HYDIN: variants seen among roughly 807,000 people sequenced by gnomAD.
HYDIN encodes HYDIN axonemal central pair apparatus protein, also known as axonemal central pair apparatus protein HYDIN.
HYDIN carries 132 observed loss-of-function variants against 403.9 expected under a neutral mutation model. That is an observed-to-expected ratio of 0.33 (90% CI 0.28 to 0.38). HYDIN has a LOEUF of 0.38. HYDIN is among the 10% of genes least tolerant of loss of function. The pLI is 1.00. For missense variants in HYDIN, 2,827 were observed against 5,009.5 expected, an observed-to-expected ratio of 0.56 and a Z score of 13.15; for synonymous variants, 1,202 against 1,891.7, an observed-to-expected ratio of 0.64 and a Z score of 9.46.
At chr16:71,039,723 C>T (rs1214556839) in intron 18 of HYDIN, among the ~76,000 whole-genome samples, 1 of 152,222 alleles carries the variant, frequency 6.6e-6, no homozygotes, top group South Asian at 2.1e-4. Flanking sequence ...ATCCCTTTCC[C>T]CCTGAGAGCC....
rs2035126329 is a variant in HYDIN, at chr16:70,806,788, A to G, written c.*792T>C. 6.6e-6 allele frequency among the ~76,000 whole-genome samples: 1 copy of G among 152,162 alleles called. No homozygotes were observed. On this transcript the variant is annotated 3_prime_UTR_variant, in exon 86 of 86. Transcript: ENST00000393567. ...CTGCTATACAAGTTAAATGTATATA[A>G]TAAAGATGCCCACACCCCTCTCCAG...
At chr16:71,066,941 G>T (rs1404485075) in intron 15 of HYDIN, 6 of 653,252 alleles carry the variant, frequency 9.2e-6, no homozygotes, top group African/African-American at 8.9e-5. Flanking sequence ...GCACTATGTT[G>T]AAAGATGAAA....
At chr16:70,946,873 T>G (rs569449277) in intron 41 of HYDIN, among the ~76,000 whole-genome samples, 35 of 152,294 alleles carry the variant, frequency 2.3e-4, no homozygotes, top group African/African-American at 8.2e-4. Flanking sequence ...GGATTGTGAT[T>G]TTTGTACATT....
intron 5 of HYDIN, among the ~76,000 whole-genome samples, chr16:71,168,686 A>C (rs932517536): frequency 3.3e-5 from 5 of 152,006 alleles, no homozygotes; most frequent in African/African-American, 9.7e-5. Context: ...CTGGGACCCA[A>C]CTCTTTCACA....
intron 23 of HYDIN, among the ~76,000 whole-genome samples, chr16:70,995,426 G>T (rs1326744865): frequency 6.6e-6 from 1 of 152,154 alleles, no homozygotes; most frequent in Non-Finnish European, 1.5e-5. Flanking sequence ...TCACATGCAT[G>T]TCAGACACCC....
Position 70,849,826 on chromosome 16 carries a change from G to T in HYDIN, c.12773C>A (p.Pro4258His), listed in dbSNP as rs1408147392. The T allele has an allele frequency of 5.9e-6, 5 of 841,228 alleles. No individual in the cohort carries two copies. The highest frequency in any genetic ancestry group is 7.7e-6 in the Non-Finnish European group (4 of 518,554). 52.1% of individuals were successfully genotyped at this position (841,228 alleles called of 1,614,324 possible). A position where few individuals can be genotyped will look rare whatever the true frequency, so the allele number is the denominator to read the frequency against. ...TCCTACATCCACAGTGCTGTCGATGGGTGAAAATTCCAAGTACTGCAGCAA... is the reference window on the plus strand; with the variant it reads ...TCCTACATCCACAGTGCTGTCGATGTGTGAAAATTCCAAGTACTGCAGCAA... Reference protein sequence around the residue: ...KTLLQYLEFSPIDSTVDVGQS... With the variant: ...KTLLQYLEFSHIDSTVDVGQS... Residue 4258 changes from proline to histidine, a missense_variant, in exon 75 of 86, where the codon CCC becomes CAC. By Grantham distance (77) the Pro-to-His change is moderately conservative. Coordinates refer to ENST00000393567, the MANE Select transcript of HYDIN (RefSeq NM_001270974.2).
intron 6 of HYDIN, among the ~76,000 whole-genome samples, chr16:71,153,486 GGCTGCCTTAT>G (rs899682699): frequency 1.3e-4 from 20 of 151,832 alleles, no homozygotes; most frequent in Admixed American, 3.9e-4. Context: ...CCTAAGAGAA[GGCTGCCTTAT>G]GGGGAGCAAG....
intron 80 of HYDIN, among the ~76,000 whole-genome samples, chr16:70,830,895 T>C (rs2036934687): frequency 6.6e-6 from 1 of 151,734 alleles, no homozygotes; most frequent in Admixed American, 6.6e-5. Flanking sequence ...AAATCTGGGG[T>C]TCAAGGGAAG....
chr16:70,843,287 G>A (rs1355296587), intron 75 of HYDIN, among the ~76,000 whole-genome samples: 18 of 144,726 alleles, frequency 1.2e-4, no homozygotes, highest in African/African-American at 4.7e-4. Context: ...GTGAGAATAT[G>A]TGCTGTTTGG....
chr16:70,890,500 A>G (rs572449280), intron 57 of HYDIN, among the ~76,000 whole-genome samples: 1 of 152,376 alleles, frequency 6.6e-6, no homozygotes, highest in East Asian at 1.9e-4. Context: ...TCAACTCTAC[A>G]TTTTAAAAAA....
chr16:71,178,898 C>A lies in HYDIN; in HGVS notation c.381+30G>T, dbSNP rs777201561. 2.5e-6 allele frequency: 4 copies of A among 1,589,172 alleles called. No homozygotes were observed. In the Admixed American group the frequency reaches 7.1e-5, roughly 28 times the overall value. ...TAACCCATTCTCATATATCCTGGAA[C>A]AGTTCACCCACCCCAGTGAACATAC... On this transcript the variant is annotated intron_variant, in intron 4 of 85. Transcript: ENST00000393567.
chr16:70,894,517 G>A lies in HYDIN; in HGVS notation c.9180C>T (p.Val3060=), dbSNP rs1473788469. The A allele has an allele frequency of 1.9e-6, 3 of 1,596,766 alleles. No homozygotes were observed. Among genetic ancestry groups the A allele is most frequent in the Non-Finnish European group, 2.6e-6 (3 of 1,173,332 alleles). The change falls in exon 55 of 86, where the codon GTC becomes GTT. Residue 3060 remains valine, a synonymous_variant. Transcript: ENST00000393567. The part of the protein sequence containing the change: ...GAEGGLDFGI[V]RVTEEAKQPL... The stretch of plus-strand genomic sequence containing the variant: ...GCTGCTTCGCCTCCTCTGTGACCCT[G>A]ACAATCCCAAAATCCAGTCCCCCTT...
At chr16:71,049,342 TG>T (rs2081559906) in intron 18 of HYDIN, among the ~76,000 whole-genome samples, 1 of 152,116 alleles carries the variant, frequency 6.6e-6, no homozygotes, top group South Asian at 2.1e-4. Context: ...GTGCCAGTGG[TG>T]GTGGACGTGG....
intron 41 of HYDIN, among the ~76,000 whole-genome samples, chr16:70,951,255 A>AGAG (rs1320429857): frequency 6.7e-6 from 1 of 149,904 alleles, no homozygotes; most frequent in African/African-American, 2.5e-5. Flanking sequence ...GGACAGAGAG[A>AGAG]GAGAGAGAGA....
rs200051232 is a variant in HYDIN at position 70,961,012 on chromosome 16, C to T, written c.5968+947G>A. ...GGCCTAGCTCATTCTTTTTAAATAG[C>T]TGCTAAATAACTCCCACTGTATGGC... On this transcript the variant is annotated intron_variant, in intron 38 of 85. Coordinates refer to ENST00000393567, the MANE Select transcript of HYDIN (RefSeq NM_001270974.2). 2.3e-4 allele frequency among the ~76,000 whole-genome samples: 35 copies of T among 152,344 alleles called. No individual in the cohort carries two copies. The East Asian group carries it at 6.8e-3, about 29-fold the overall frequency.
Position 70,986,506 on chromosome 16 carries a change from A to C in HYDIN, c.4195-1184T>G, listed in dbSNP as rs1202134941. Among the ~76,000 whole-genome samples, 8 of 152,228 alleles carry C rather than the reference A, an allele frequency of 5.3e-5. No individual in the cohort carries two copies. The South Asian group carries it at 1.0e-3, about 20-fold the overall frequency. On this transcript the variant is annotated intron_variant, in intron 27 of 85. Coordinates refer to ENST00000393567, the MANE Select transcript of HYDIN (RefSeq NM_001270974.2). ...GCTGGGTGAATCAGATTTTAGGCAC[A>C]ATCTTTGATCTATAAACACACATGC...
rs531934900 is a variant in HYDIN, at chr16:71,020,384, T to C, written c.3187-67A>G. On this transcript the variant is annotated intron_variant, in intron 21 of 85. Coordinates refer to ENST00000393567, the MANE Select transcript of HYDIN (RefSeq NM_001270974.2). ...AATACAGTAAGCTTTTAGCAACAAG[T>C]CTCAGGTTCATTGTTTAGAACAAAT... The C allele has an allele frequency of 7.6e-5, 117 of 1,548,372 alleles. No individual in the cohort carries two copies. In the East Asian group the frequency reaches 1.9e-3, roughly 25 times the overall value.
chr16:70,878,068 C>T (rs887131590), intron 62 of HYDIN, among the ~76,000 whole-genome samples: 4 of 152,122 alleles, frequency 2.6e-5, no homozygotes, highest in African/African-American at 9.7e-5. Context: ...ATTGTAGCTC[C>T]CATAACTCCC....
At chr16:70,997,972 G>A (rs960305243) in intron 23 of HYDIN, among the ~76,000 whole-genome samples, 9 of 151,890 alleles carry the variant, frequency 5.9e-5, no homozygotes, top group African/African-American at 2.2e-4. Flanking sequence ...ATCAACAGAT[G>A]GAGTCTATTT....
Sources: allele counts gnomAD v4.1 joint callset (sites outside exome capture counted in the v4.1 genomes callset), GRCh38; gene constraint gnomAD v4.1.1; transcripts MANE v1.5; gene names NCBI Gene and HGNC (gene_info 2026-07-23, HGNC 2026-07-21).